The following RMI1 variants were observed in gnomAD, a reference collection of about 807,000 sequenced individuals.
RMI1 encodes RecQ mediated genome instability 1.
In RMI1, 36 loss-of-function variants were observed where a neutral mutation model predicts 46.7. That is an observed-to-expected ratio of 0.77 (90% CI 0.59 to 1.02). The LOEUF (loss-of-function observed/expected upper bound fraction) is 1.02. Ranked by LOEUF, RMI1 falls within the 50% of genes least tolerant of loss-of-function variation. The pLI, the probability that RMI1 is intolerant of heterozygous loss-of-function variation, is 0.00. For synonymous variants in RMI1, 250 were observed against 252.9 expected (o/e 0.99, Z 0.11); for missense variants, 676 against 713.7 (o/e 0.95, Z 0.60).
chr9:83,988,084 A>T (rs958066770), intron 1 of RMI1, among the ~76,000 whole-genome samples: 3 of 151,836 alleles, frequency 2.0e-5, no homozygotes, highest in Non-Finnish European at 4.4e-5. Flanking sequence ...AGAGATAGAG[A>T]TATTGCCCAG....
Position 84,002,268 on chromosome 9 carries a change from A to G in RMI1, c.1282A>G (p.Lys428Glu). The G allele has an allele frequency of 6.2e-7, 1 of 1,607,766 alleles. No homozygotes were observed. Among genetic ancestry groups the G allele is most frequent in the Non-Finnish European group, 8.5e-7 (1 of 1,177,104 alleles). ...GAACTTAGAGACAGATAATAAAATA[A>G]AACAAACCAGCAGTTCAGATAGCCA... ...EKNLETDNKIKQTSSSDSHSL... is the reference protein window; with the variant it reads ...EKNLETDNKIEQTSSSDSHSL... Residue 428 changes from lysine to glutamate, a missense_variant, in exon 3 of 3, where the codon AAA becomes GAA. Coordinates refer to ENST00000445877, the MANE Select transcript of RMI1 (RefSeq NM_001358291.2).
At chr9:83,994,985 A>G (rs1957628643) in intron 1 of RMI1, among the ~76,000 whole-genome samples, 1 of 152,154 alleles carries the variant, frequency 6.6e-6, no homozygotes, top group South Asian at 2.1e-4. Flanking sequence ...AATATCTTGG[A>G]AAAATTTCAA....
In RMI1 at chr9:83,997,108, CTT is replaced by C. The variant is rs35796088; in HGVS notation, c.-125-2582_-125-2581del. ...GTAGAGGTAAGTCCAACACCCCCCCCTTTTTTTTTTTTTTTTTTTTGAGATAG... is the reference window on the plus strand; with the variant it reads ...GTAGAGGTAAGTCCAACACCCCCCCCTTTTTTTTTTTTTTTTTTGAGATAG... On this transcript the variant is annotated intron_variant, in intron 1 of 2. Coordinates refer to ENST00000445877, the MANE Select transcript of RMI1 (RefSeq NM_001358291.2). 5.8e-4 allele frequency among the ~76,000 whole-genome samples: 35 copies of C among 60,324 alleles called. 1 individual carries two copies. Among genetic ancestry groups the C allele is most frequent in the South Asian group, 3.1e-3 (3 of 966 alleles). The allele number at this position is 60,324 out of a possible 152,430, so 39.6% of individuals were successfully genotyped here. A position where few individuals can be genotyped will look rare whatever the true frequency, so the allele number is the denominator to read the frequency against.
chr9:83,980,540 C>T (rs181159071), upstream of RMI1: 45 of 152,982 alleles, frequency 2.9e-4, no homozygotes, highest in Non-Finnish European at 5.7e-4. Flanking sequence ...GGCAAGACGT[C>T]GAGGTCGGTG....
chr9:83,998,051 C>A (rs1957684091), intron 1 of RMI1, among the ~76,000 whole-genome samples: 1 of 152,162 alleles, frequency 6.6e-6, no homozygotes, highest in Non-Finnish European at 1.5e-5. Context: ...CCCACCTTGG[C>A]CTCCCAGAAT....
Position 84,002,464 on chromosome 9 carries a change from A to G in RMI1, c.1478A>G (p.Tyr493Cys), listed in dbSNP as rs778935640. The G allele has an allele frequency of 5.0e-6, 8 of 1,613,946 alleles. No homozygotes were observed. The highest frequency in any genetic ancestry group is 1.1e-5 in the South Asian group (1 of 91,082). The change falls in exon 3 of 3, where the codon TAT becomes TGT. Residue 493 changes from tyrosine to cysteine, a missense_variant. Tyr to Cys is a radical substitution (Grantham distance 194, BLOSUM62 -2). Coordinates refer to ENST00000445877, the MANE Select transcript of RMI1 (RefSeq NM_001358291.2). ...GATTTGTATTCTCCACCCTTTGTCT[A>G]TTTGTCTGTTCTAATGGCCAGCAAA... is the stretch of plus-strand genomic sequence containing the variant. ...AMDLYSPPFV[Y>C]LSVLMASKPK...
chr9:83,985,702 A>G (rs1364017156), intron 1 of RMI1, among the ~76,000 whole-genome samples: 2 of 151,950 alleles, frequency 1.3e-5, no homozygotes, highest in Non-Finnish European at 2.9e-5. Flanking sequence ...GAGTTTTGCC[A>G]CTTGCGGTGT....
chr9:83,996,841 C>T (rs1445522839), intron 1 of RMI1, among the ~76,000 whole-genome samples: 2 of 150,652 alleles, frequency 1.3e-5, no homozygotes, highest in Non-Finnish European at 2.9e-5. Context: ...CTTATGTGGC[C>T]AGAGCAGGGG....
intron 1 of RMI1, among the ~76,000 whole-genome samples, chr9:83,996,086 TCA>T: frequency 6.6e-6 from 1 of 152,236 alleles, no homozygotes; most frequent in Non-Finnish European, 1.5e-5. Context: ...GCTTGCAGGC[TCA>T]CGTTGGATTG....
intron 1 of RMI1, among the ~76,000 whole-genome samples, chr9:83,988,495 A>G (rs536916565): frequency 6.6e-6 from 1 of 152,080 alleles, no homozygotes; most frequent in Non-Finnish European, 1.5e-5. Context: ...GTAGAGACAG[A>G]GTTTTGCTGT....
Position 84,002,059 on chromosome 9 carries a change from C to G in RMI1, c.1073C>G (p.Thr358Ser), listed in dbSNP as rs778125810. ...GAGAGATTTTCACATAATCCTAATA[C>G]TACGAATAACTTTTCTTTGACTTGC... Reference protein sequence around the residue: ...SIERFSHNPNTTNNFSLTCKN... With the variant: ...SIERFSHNPNSTNNFSLTCKN... The change falls in exon 3 of 3, where the codon ACT becomes AGT. Residue 358 changes from threonine to serine, a missense_variant. Physicochemically the swap from Thr to Ser is moderately conservative, Grantham distance 58. Coordinates refer to ENST00000445877, the MANE Select transcript of RMI1 (RefSeq NM_001358291.2). 6.2e-7 allele frequency: 1 copy of G among 1,613,708 alleles called. No homozygotes were observed. Among genetic ancestry groups the G allele is most frequent in the Non-Finnish European group, 8.5e-7 (1 of 1,179,820 alleles).
At position 84,002,788 on chromosome 9, in the gene RMI1, C is replaced by T; in HGVS notation, c.1802C>T (p.Ser601Phe). Residue 601 changes from serine to phenylalanine, a missense_variant, in exon 3 of 3, where the codon TCT becomes TTT. Ser to Phe is a radical substitution (Grantham distance 155). Transcript: ENST00000445877. ...ACTATTTCATTTAATCCTTCCTTGT[C>T]TAAAGCAATGGTACTGGCATTACAA... The part of the protein sequence containing the change: ...LMTISFNPSL[S>F]KAMVLALQDV... 1 of 1,611,538 alleles carries T rather than the reference C, an allele frequency of 6.2e-7. No homozygotes were observed.
At chr9:83,989,493 AAAT>A (rs1171962613) in intron 1 of RMI1, among the ~76,000 whole-genome samples, 10 of 152,200 alleles carry the variant, frequency 6.6e-5, no homozygotes, top group Admixed American at 5.9e-4. Flanking sequence ...GCAAAAAGCC[AAAT>A]AATCTGATTT....
In RMI1 at chr9:83,984,648, G is replaced by A. The variant is rs527565536; in HGVS notation, c.-126+3757G>A. On this transcript the variant is annotated intron_variant, in intron 1 of 2. Coordinates refer to ENST00000445877, the MANE Select transcript of RMI1 (RefSeq NM_001358291.2). ...ACAATCTCGGCTCACTGCAACCTCT[G>A]CCTCCTTGGTTCAAACGATTCTTCT... Among the ~76,000 whole-genome samples, 133 of 151,904 alleles carry A rather than the reference G, an allele frequency of 8.8e-4. 1 individual carries two copies. The highest frequency in any genetic ancestry group is 1.2e-3 in the Non-Finnish European group (84 of 68,002).
Position 84,002,998 on chromosome 9 carries a change from G to T in RMI1, c.*134G>T. 2 of 561,506 alleles carry T rather than the reference G, an allele frequency of 3.6e-6. No individual in the cohort carries two copies. The highest frequency in any genetic ancestry group is 6.8e-5 in the Admixed American group (2 of 29,528). The allele number at this position is 561,506 out of a possible 1,614,324, so 34.8% of individuals were successfully genotyped here. ...TAGCTTATTTCAGTTTAATTTTAAA[G>T]TGTTTAATCATGTTTGTTATATGTG... On this transcript the variant is annotated 3_prime_UTR_variant, in exon 3 of 3. Transcript: ENST00000445877.
At chr9:83,997,937 G>A (rs767208995) in intron 1 of RMI1, among the ~76,000 whole-genome samples, 6 of 151,454 alleles carry the variant, frequency 4.0e-5, no homozygotes, top group Admixed American at 2.0e-4. Context: ...CTGGGACTAC[G>A]GGCATGCACC....
chr9:83,997,593 C>T (rs1485392700), intron 1 of RMI1, among the ~76,000 whole-genome samples: 1 of 151,888 alleles, frequency 6.6e-6, no homozygotes, highest in African/African-American at 2.4e-5. Context: ...ATAGGGGCTT[C>T]TTCTCCTCGT....
chr9:83,995,976 A>C (rs534123240), intron 1 of RMI1, among the ~76,000 whole-genome samples: 225 of 152,334 alleles, frequency 1.5e-3, no homozygotes, highest in African/African-American at 5.2e-3. Context: ...GATAAAAAAA[A>C]AATTAAGATG....
chr9:84,001,661 T>C lies in RMI1; in HGVS notation c.675T>C (p.Ser225=). ...TAGTTTCAGTCATACCAAACAATTC[T>C]AACGAAAACATTCCCAGAGTTACAG... ...DLVVSVIPNN[S]NENIPRVTDV... is the part of the protein sequence containing the mutation. Residue 225 remains serine, a synonymous_variant, in exon 3 of 3, where the codon TCT becomes TCC. Coordinates refer to ENST00000445877, the MANE Select transcript of RMI1 (RefSeq NM_001358291.2). 1 of 1,614,016 alleles carries C rather than the reference T, an allele frequency of 6.2e-7. No homozygotes were observed. The highest frequency in any genetic ancestry group is 8.5e-7 in the Non-Finnish European group (1 of 1,179,974).
Sources: allele counts gnomAD v4.1 joint callset (sites outside exome capture counted in the v4.1 genomes callset), GRCh38; gene constraint gnomAD v4.1.1; transcripts MANE v1.5; gene names NCBI Gene and HGNC (gene_info 2026-07-23, HGNC 2026-07-21).